The following MED12L variants were observed in gnomAD, a reference collection of about 807,000 sequenced individuals.
MED12L encodes mediator of RNA polymerase II transcription subunit 12-like protein.
MED12L carries 60 observed loss-of-function variants against 281.3 expected under a neutral mutation model. The ratio of observed to expected loss-of-function variants is 0.21; its 90% CI spans 0.17 to 0.26. The LOEUF (loss-of-function observed/expected upper bound fraction) is 0.26. MED12L is among the 10% of genes least tolerant of loss of function. The pLI is 1.00. For missense variants in MED12L, 2,146 were observed against 2,680.9 expected (o/e 0.80, Z 4.41); for synonymous variants, 974 against 987.2 (o/e 0.99, Z 0.25).
intron 16 of MED12L, among the ~76,000 whole-genome samples, chr3:151,314,983 T>TG (rs993347752): frequency 1.2e-4 from 19 of 152,142 alleles, no homozygotes; most frequent in African/African-American, 4.6e-4. Flanking sequence ...TACTGCCTCT[T>TG]GCCTGCATAG....
At chr3:151,215,649 A>G (rs1361421957) in intron 16 of MED12L, among the ~76,000 whole-genome samples, 1 of 152,220 alleles carries the variant, frequency 6.6e-6, no homozygotes, top group Non-Finnish European at 1.5e-5. Context: ...CTAGAATTAA[A>G]TTCAAAAGGT....
Position 151,391,456 on chromosome 3 carries a change from C to CTCTGTTTCTCTCTTTTT in MED12L, c.5608+1333_5608+1349dup, listed in dbSNP as rs757960029. Among the ~76,000 whole-genome samples, 199 of 152,290 alleles carry CTCTGTTTCTCTCTTTTT rather than the reference C, an allele frequency of 1.3e-3. 1 individual carries two copies. Among genetic ancestry groups the CTCTGTTTCTCTCTTTTT allele is most frequent in the Non-Finnish European group, 2.3e-3 (155 of 68,024 alleles). On this transcript the variant is annotated intron_variant, in intron 38 of 44. Transcript: ENST00000687756. Reference sequence around the variant, plus strand: ...TAGACCCATACCCCTTCCCTGTACCCTCTGTTTCTCTCTTTTTTCTGTTTC... The same window carrying CTCTGTTTCTCTCTTTTT: ...TAGACCCATACCCCTTCCCTGTACCCTCTGTTTCTCTCTTTTTTCTGTTTCTCTCTTTTTTCTGTTTC...
chr3:151,209,994 C>T (rs988911604), intron 16 of MED12L, among the ~76,000 whole-genome samples: 6 of 152,150 alleles, frequency 3.9e-5, no homozygotes, highest in African/African-American at 1.4e-4. Flanking sequence ...AGCTTTGTAA[C>T]CAGGACTGGG....
intron 43 of MED12L, among the ~76,000 whole-genome samples, chr3:151,422,792 T>C (rs943249083): frequency 1.9e-4 from 28 of 149,586 alleles, no homozygotes; most frequent in African/African-American, 6.4e-4. Context: ...GTGGCAGATG[T>C]TGAAGGCAGT....
At chr3:151,318,404 G>C (rs191652167) in intron 16 of MED12L, among the ~76,000 whole-genome samples, 50 of 151,570 alleles carry the variant, frequency 3.3e-4, no homozygotes, top group African/African-American at 1.0e-3. Context: ...TTGAGCAGAA[G>C]GGTTATGCTA....
intron 16 of MED12L, among the ~76,000 whole-genome samples, chr3:151,270,407 CTG>C (rs1740719041): frequency 6.6e-6 from 1 of 152,052 alleles, no homozygotes; most frequent in Non-Finnish European, 1.5e-5. Context: ...TGAACAAAAA[CTG>C]TATGGATTTA....
intron 2 of MED12L, among the ~76,000 whole-genome samples, chr3:151,094,565 T>C (rs1012024975): frequency 5.3e-5 from 8 of 152,194 alleles, no homozygotes; most frequent in African/African-American, 1.9e-4. Context: ...AGCTGGGTGA[T>C]GGTGACAAGG....
intron 23 of MED12L, among the ~76,000 whole-genome samples, chr3:151,367,438 A>G (rs1319578856): frequency 1.3e-5 from 2 of 152,212 alleles, no homozygotes; most frequent in African/African-American, 4.8e-5. Flanking sequence ...TTCTTACAGC[A>G]TTGGAATGTG....
At chr3:151,263,224 C>T (rs1739230389) in intron 16 of MED12L, among the ~76,000 whole-genome samples, 1 of 152,178 alleles carries the variant, frequency 6.6e-6, no homozygotes, top group South Asian at 2.1e-4. Context: ...TAATCAGCCT[C>T]ACCTTCAGCT....
At chr3:151,287,783 ACTTGCCT>A (rs1743730369) in intron 16 of MED12L, among the ~76,000 whole-genome samples, 2 of 152,148 alleles carry the variant, frequency 1.3e-5, no homozygotes, top group South Asian at 4.1e-4. Flanking sequence ...ACTATTTTTA[ACTTGCCT>A]CTTTAGGGAT....
rs10530638 is a variant in MED12L, at chr3:151,368,687, T to G, written c.3550+436T>G. On this transcript the variant is annotated intron_variant, in intron 25 of 44. Coordinates refer to ENST00000687756, the MANE Select transcript of MED12L (RefSeq NM_001393769.1). ...TTCATTTCATTTCATGTCATTTCAT[T>G]TTATTTCATTTCATTTCATTTCATT... Among the ~76,000 whole-genome samples, 78 of 41,442 alleles carry G rather than the reference T, an allele frequency of 1.9e-3. 5 individuals are homozygous for G. Among genetic ancestry groups the G allele is most frequent in the East Asian group, 0.015 (28 of 1,842 alleles). 27.2% of individuals were successfully genotyped at this position (41,442 alleles called of 152,430 possible). A position where few individuals can be genotyped will look rare whatever the true frequency, so the allele number is the denominator to read the frequency against.
At chr3:151,267,921 A>G (rs1253100016) in intron 16 of MED12L, among the ~76,000 whole-genome samples, 4 of 152,154 alleles carry the variant, frequency 2.6e-5, no homozygotes, top group African/African-American at 9.6e-5. Flanking sequence ...GTATTTTATC[A>G]GTTGCTAAGT....
chr3:151,388,172 T>G lies in MED12L; in HGVS notation c.5451T>G (p.Asp1817Glu), dbSNP rs1179022112. 7 of 1,591,354 alleles carry G rather than the reference T, an allele frequency of 4.4e-6. No homozygotes were observed. The East Asian group carries it at 1.6e-4, about 36-fold the overall frequency. Residue 1817 changes from aspartate (D) to glutamate (E), a missense_variant and splice_region_variant, in exon 37 of 45, where the codon GAT becomes GAG. Asp to Glu is a conservative substitution (Grantham distance 45). Coordinates refer to ENST00000687756, the MANE Select transcript of MED12L (RefSeq NM_001393769.1). ...AGACGAAATCTAGCTCAAGAGTTGA[T>G]GTAAGTGGGGAAAGGAAGGAGAACC... ...KRKTKSSSRV[D>E]EYPQSNIYRV...
intron 16 of MED12L, among the ~76,000 whole-genome samples, chr3:151,234,076 T>A (rs541631746): frequency 6.6e-6 from 1 of 152,344 alleles, no homozygotes; most frequent in South Asian, 2.1e-4. Context: ...ATTTTAACTT[T>A]TAGGTGTATG....
intron 5 of MED12L, among the ~76,000 whole-genome samples, chr3:151,154,907 G>T (rs1004426181): frequency 2.0e-5 from 3 of 152,152 alleles, no homozygotes; most frequent in Non-Finnish European, 2.9e-5. Context: ...ACAGAATGTC[G>T]ACCTAGTATT....
intron 16 of MED12L, among the ~76,000 whole-genome samples, chr3:151,330,863 A>G (rs1750273146): frequency 6.6e-6 from 1 of 152,216 alleles, no homozygotes; most frequent in Admixed American, 6.5e-5. Flanking sequence ...ACATAAATGT[A>G]TATCTTTTTG....
At chr3:151,318,599 T>C (rs1338793890) in intron 16 of MED12L, among the ~76,000 whole-genome samples, 3 of 152,158 alleles carry the variant, frequency 2.0e-5, no homozygotes, top group African/African-American at 7.2e-5. Context: ...CATAAAAGTA[T>C]GTTGTGCAAA....
chr3:151,297,856 G>A (rs1320692297), intron 16 of MED12L, among the ~76,000 whole-genome samples: 1 of 152,088 alleles, frequency 6.6e-6, no homozygotes, highest in South Asian at 2.1e-4. Flanking sequence ...GGTTGTGTGT[G>A]TGTGTATACA....
At chr3:151,299,356 CTTTCTTTTCT>C (rs71138493) in intron 16 of MED12L, among the ~76,000 whole-genome samples, 89 of 94,410 alleles carry the variant, frequency 9.4e-4, no homozygotes, top group East Asian at 6.5e-3. Context: ...TTCCTTCCTT[CTTTCTTTTCT>C]TTTCTTTTCT....
Sources: allele counts gnomAD v4.1 joint callset (sites outside exome capture counted in the v4.1 genomes callset), GRCh38; gene constraint gnomAD v4.1.1; transcripts MANE v1.5; gene names NCBI Gene and HGNC (gene_info 2026-07-23, HGNC 2026-07-21).